The following ADAM19 variants were observed in gnomAD, a reference collection of about 807,000 sequenced individuals.
The protein encoded by ADAM19 is ADAM metallopeptidase domain 19, also known as disintegrin and metalloproteinase domain-containing protein 19.
A neutral mutation model predicts 114.7 loss-of-function variants in ADAM19; 65 were observed. The ratio of observed to expected loss-of-function variants is 0.57; its 90% confidence interval spans 0.46 to 0.70. The LOEUF (loss-of-function observed/expected upper bound fraction) is 0.70, where lower values mean the gene tolerates loss of function less well. Ranked by LOEUF, ADAM19 falls within the 30% of genes least tolerant of loss-of-function variation. The pLI is 0.00. For synonymous variants in ADAM19, 466 were observed against 460.5 expected (o/e 1.01, Z -0.15); for missense variants, 1,063 against 1,204.7 (o/e 0.88, Z 1.74).
At chr5:157,524,512 C>A (rs1435067340) in intron 5 of ADAM19, among the ~76,000 whole-genome samples, 1 of 152,240 alleles carries the variant, frequency 6.6e-6, no homozygotes, top group East Asian at 1.9e-4. Context: ...GGGGACTTGT[C>A]CATTCAGAGC....
chr5:157,575,561 C>A (rs1391514357), intron 1 of ADAM19, 42 bp downstream of exon 1: 1 of 1,412,084 alleles, frequency 7.1e-7, no homozygotes, highest in Non-Finnish European at 9.3e-7. Context: ...TCCCAGGTCT[C>A]CGGGCCACCC....
Position 157,575,272 on chromosome 5 carries a change from C to A in ADAM19, c.94+331G>T, listed in dbSNP as rs114311152. On this transcript the variant is annotated intron_variant, in intron 1 of 22. Coordinates refer to ENST00000257527, the MANE Select transcript of ADAM19 (RefSeq NM_033274.5). The stretch of plus-strand genomic sequence containing the variant: ...GAGAGGCGGAGCGGACACGAGGGAC[C>A]GTGAGAAAACGGAGGAGGATAAGCC... Among the ~76,000 whole-genome samples, 1,393 of 152,224 alleles carry A rather than the reference C, an allele frequency of 9.2e-3. 26 individuals are homozygous for A. Among genetic ancestry groups the A allele is most frequent in the African/African-American group, 0.032 (1,321 of 41,556 alleles).
intron 1 of ADAM19, among the ~76,000 whole-genome samples, chr5:157,574,802 G>T (rs1434358098): frequency 6.6e-6 from 1 of 152,170 alleles, no homozygotes; most frequent in Non-Finnish European, 1.5e-5. Context: ...ACATCACCCG[G>T]CATCTTAGCT....
intron 3 of ADAM19, among the ~76,000 whole-genome samples, chr5:157,541,002 C>T (rs1426763351): frequency 6.6e-6 from 1 of 152,212 alleles, no homozygotes; most frequent in Non-Finnish European, 1.5e-5. Flanking sequence ...ATGAATCAGA[C>T]AGAAACTCTA....
chr5:157,547,574 G>T (rs954043252), intron 3 of ADAM19, among the ~76,000 whole-genome samples: 1 of 152,178 alleles, frequency 6.6e-6, no homozygotes. Context: ...TGTTGGACTT[G>T]CCAGCCAGCA....
chr5:157,544,609 A>C (rs375887488), intron 3 of ADAM19, among the ~76,000 whole-genome samples: 113 of 152,280 alleles, frequency 7.4e-4, no homozygotes, highest in African/African-American at 2.6e-3. Context: ...AGACAACTTA[A>C]CTGGCAGGGA....
Position 157,493,095 on chromosome 5 carries a change from T to C in ADAM19, c.1786A>G (p.Ile596Val). Residue 596 changes from isoleucine to valine, a missense_variant, in exon 16 of 23, where the codon ATC (isoleucine) becomes GTC (valine). Coordinates refer to ENST00000257527, the MANE Select transcript of ADAM19 (RefSeq NM_033274.5). ...ESNAVPIDTT[I>V]IMNGRQIQCR... ...TGGATCTGCCTCCCATTCATGATGATAGTGGTGTCAATGGGCACCGCGTTG... is the reference window on the plus strand; with the variant it reads ...TGGATCTGCCTCCCATTCATGATGACAGTGGTGTCAATGGGCACCGCGTTG... The C allele has an allele frequency of 6.2e-7, 1 of 1,614,204 alleles. No homozygotes were observed. Among genetic ancestry groups the C allele is most frequent in the Non-Finnish European group, 8.5e-7 (1 of 1,180,032 alleles).
At position 157,488,467 on chromosome 5, in the gene ADAM19, A is replaced by G. The variant is rs1201449719; in HGVS notation, c.2348T>C (p.Leu783Pro). ...GGGAGGAGGCTGGGAGGGCTTCCGC[A>G]GGATTTCCGGAGTGTTGATCACCTG... ...KRKVINTPEILRKPSQPPPRP... is the reference protein window; with the variant it reads ...KRKVINTPEIPRKPSQPPPRP... Residue 783 changes from leucine (L) to proline (P), a missense_variant, in exon 21 of 23, where the codon CTG becomes CCG. By Grantham distance (98) the Leu-to-Pro change is moderately conservative. Coordinates refer to ENST00000257527, the MANE Select transcript of ADAM19 (RefSeq NM_033274.5). 6.2e-7 allele frequency: 1 copy of G among 1,605,998 alleles called. No individual in the cohort carries two copies. The highest frequency in any genetic ancestry group is 2.2e-5 in the East Asian group (1 of 44,740).
rs947647304 is a variant in ADAM19 at position 157,502,659 on chromosome 5, T to C, written c.1308+144A>G. 43 of 873,918 alleles carry C rather than the reference T, an allele frequency of 4.9e-5. No homozygotes were observed. The East Asian group carries it at 7.6e-4, about 16-fold the overall frequency. 54.1% of individuals were successfully genotyped at this position (873,918 alleles called of 1,614,324 possible). ...ACACTCCAACTGGAAGGCTTCTTCATATCTGATTTTTCATGGGGTATTGGA... is the reference window on the plus strand; with the variant it reads ...ACACTCCAACTGGAAGGCTTCTTCACATCTGATTTTTCATGGGGTATTGGA... On this transcript the variant is annotated intron_variant, in intron 12 of 22. Transcript: ENST00000257527.
chr5:157,562,469 C>T (rs931433462), intron 3 of ADAM19, among the ~76,000 whole-genome samples: 3 of 152,200 alleles, frequency 2.0e-5, no homozygotes, highest in African/African-American at 7.2e-5. Flanking sequence ...ACTCACCATG[C>T]GCTGTGCAAG....
chr5:157,495,396 T>C (rs1007981040), intron 14 of ADAM19, among the ~76,000 whole-genome samples: 2 of 152,190 alleles, frequency 1.3e-5, no homozygotes, highest in African/African-American at 4.8e-5. Context: ...GAAGCCATGT[T>C]CCGATTCAAG....
rs531450346 is a variant in ADAM19 at position 157,490,721 on chromosome 5, G to A, written c.2096-267C>T. On this transcript the variant is annotated intron_variant, in intron 18 of 22. Coordinates refer to ENST00000257527, the MANE Select transcript of ADAM19 (RefSeq NM_033274.5). ...ATCCTGACCAACATGGTGAAACCTCGTCTCTACTAAAAACACAAAAATTAG... is the reference window on the plus strand; with the variant it reads ...ATCCTGACCAACATGGTGAAACCTCATCTCTACTAAAAACACAAAAATTAG... 5.9e-5 allele frequency among the ~76,000 whole-genome samples: 9 copies of A among 151,982 alleles called. No individual in the cohort carries two copies. The South Asian group carries it at 1.7e-3, about 28-fold the overall frequency.
intron 7 of ADAM19, among the ~76,000 whole-genome samples, chr5:157,517,766 T>C (rs1162821009): frequency 1.3e-5 from 2 of 152,210 alleles, no homozygotes; most frequent in Non-Finnish European, 2.9e-5. Flanking sequence ...ATGAAATACA[T>C]GATGAGCCAG....
intron 11 of ADAM19, among the ~76,000 whole-genome samples, chr5:157,503,262 TG>T (rs1326952303): frequency 4.6e-5 from 7 of 152,204 alleles, no homozygotes; most frequent in Non-Finnish European, 1.0e-4. Flanking sequence ...AAACACCGGA[TG>T]TTCTCACTCA....
chr5:157,486,635 G>A (rs1468486178), intron 21 of ADAM19, among the ~76,000 whole-genome samples: 2 of 152,006 alleles, frequency 1.3e-5, no homozygotes. Context: ...CCTCTAGTGT[G>A]GGTTTTTCAG....
At chr5:157,530,657 C>T (rs1285271534) in intron 5 of ADAM19, 150 bp downstream of exon 5, 4 of 619,378 alleles carry the variant, frequency 6.5e-6, no homozygotes, top group Non-Finnish European at 1.1e-5. Context: ...TTCCCTTGCC[C>T]ATCCTCCCAG....
chr5:157,537,883 C>CTGGA, intron 4 of ADAM19, 30 bp downstream of exon 4: 2 of 1,592,398 alleles, frequency 1.3e-6, no homozygotes, highest in Non-Finnish European at 1.7e-6. Context: ...AGGACAGCTG[C>CTGGA]TGGATAGACA....
At chr5:157,514,330 C>CTTT (rs918566617) in intron 7 of ADAM19, among the ~76,000 whole-genome samples, 2 of 142,766 alleles carry the variant, frequency 1.4e-5, no homozygotes, top group African/African-American at 5.1e-5. Context: ...ACATTTCTTT[C>CTTT]TTTTTTTTTT....
chr5:157,530,042 C>A (rs1016601666), intron 5 of ADAM19, among the ~76,000 whole-genome samples: 1 of 152,194 alleles, frequency 6.6e-6, no homozygotes, highest in Non-Finnish European at 1.5e-5. Flanking sequence ...CCATCCCGAG[C>A]ATATTAACCA....
Sources: allele counts gnomAD v4.1 joint callset (sites outside exome capture counted in the v4.1 genomes callset), GRCh38; gene constraint gnomAD v4.1.1; transcripts MANE v1.5; gene names NCBI Gene and HGNC (gene_info 2026-07-23, HGNC 2026-07-21).